GRIN2C: variants seen among roughly 807,000 people sequenced by gnomAD.
GRIN2C encodes the protein glutamate receptor ionotropic, NMDA 2C.
Under a neutral mutation model 77.7 loss-of-function variants are expected in GRIN2C, and 64 were observed. The observed-to-expected ratio is 0.82, with a 90% confidence interval of 0.67 to 1.01. The LOEUF (loss-of-function observed/expected upper bound fraction) is 1.01. Among genes scored for constraint, GRIN2C ranks in the 50% least tolerant of loss-of-function variants. GRIN2C has a pLI of 0.00. For missense variants in GRIN2C, 1,549 were observed against 1,486.0 expected, an observed-to-expected ratio of 1.04 and a Z score of -0.70; for synonymous variants, 792 against 643.4, an observed-to-expected ratio of 1.23 and a Z score of -3.49.
Position 74,846,135 on chromosome 17 carries a change from T to C in GRIN2C, c.2281A>G (p.Ile761Val), listed in dbSNP as rs144228715. Reference protein sequence around the residue: ...GKVFATTGYGIAMQKDSHWKR... With the variant: ...GKVFATTGYGVAMQKDSHWKR... ...CAGTGGGAGTCCTTCTGCATGGCGA[T>C]GCCGTAGCCAGTGGTAGCAAAGACC... Residue 761 changes from isoleucine (I) to valine (V), a missense_variant, in exon 11 of 13, where the codon ATC (isoleucine) becomes GTC (valine). This residue lies in a region of GRIN2C where 717 missense variants were observed against 858.1 expected (regional missense o/e 0.84). Transcript: ENST00000293190. The surrounding 1 kb of genome is among the most constrained non-coding windows in gnomAD (Gnocchi z 4.4). 5 of 1,614,080 alleles carry C rather than the reference T, an allele frequency of 3.1e-6. No individual in the cohort carries two copies. The African/African-American group carries it at 5.3e-5, about 17-fold the overall frequency.
chr17:74,851,904 A>T, intron 3 of GRIN2C, 109 bp downstream of exon 3: 1 of 831,616 alleles, frequency 1.2e-6, no homozygotes, highest in Non-Finnish European at 1.8e-6. Flanking sequence ...ATGTGGCCCC[A>T]GGCACGCAGC....
chr17:74,849,890 A>C lies in GRIN2C; in HGVS notation c.1535T>G (p.Ile512Ser). The change falls in exon 7 of 13, where the codon ATC (isoleucine) becomes AGC (serine). Residue 512 changes from isoleucine to serine, a missense_variant. This residue lies in a region of GRIN2C where 717 missense variants were observed against 858.1 expected (regional missense o/e 0.84). Coordinates refer to ENST00000293190, the MANE Select transcript of GRIN2C (RefSeq NM_000835.6). The surrounding 1 kb of genome is among the most constrained non-coding windows in gnomAD (Gnocchi z 4.6). ...RADMAIGSLT[I>S]NEERSEIVDF... ...TACGATCTCGGAGCGTTCCTCATTG[A>C]TGGTGAGGGAGCCGATGGCCATGTC... is the stretch of plus-strand genomic sequence containing the variant. 6 of 1,613,310 alleles carry C rather than the reference A, an allele frequency of 3.7e-6. No homozygotes were observed. The highest frequency in any genetic ancestry group is 5.1e-6 in the Non-Finnish European group (6 of 1,179,550).
At chr17:74,853,823 G>C (rs576247796) in intron 2 of GRIN2C, 1 of 152,376 alleles carries the variant, frequency 6.6e-6, no homozygotes, top group African/African-American at 2.4e-5. Flanking sequence ...TCTTCCCTGA[G>C]TGGCTAGATC....
chr17:74,852,034 G>A lies in GRIN2C; in HGVS notation c.977C>T (p.Pro326Leu). Residue 326 changes from proline to leucine, a missense_variant, in exon 3 of 13, where the codon CCT becomes CTT. Pro to Leu is a moderately conservative substitution (Grantham distance 98). Coordinates refer to ENST00000293190, the MANE Select transcript of GRIN2C (RefSeq NM_000835.6). ...CCACCTGTAGAAGGCCTCCCGGGCA[G>A]GGCTGACGGGCCCAGGGTGAACACG... ...DCRVHPGPVS[P>L]AREAFYRHLL... is the part of the protein sequence containing the mutation. The A allele has an allele frequency of 6.8e-7, 1 of 1,464,832 alleles. No individual in the cohort carries two copies. The highest frequency in any genetic ancestry group is 1.5e-5 in the South Asian group (1 of 68,074). 90.7% of individuals were successfully genotyped at this position (1,464,832 alleles called of 1,614,324 possible).
chr17:74,847,307 C>T lies in GRIN2C; in HGVS notation c.2001+1G>A. 1.5e-6 allele frequency: 2 copies of T among 1,346,552 alleles called. No individual in the cohort carries two copies. Among genetic ancestry groups the T allele is most frequent in the Non-Finnish European group, 2.1e-6 (2 of 961,140 alleles). 83.4% of individuals were successfully genotyped at this position (1,346,552 alleles called of 1,614,324 possible). On this transcript the variant is annotated splice_donor_variant, in intron 9 of 12. Coordinates refer to ENST00000293190, the MANE Select transcript of GRIN2C (RefSeq NM_000835.6). LOFTEE classifies it high-confidence loss of function. This position sits in a 1 kb window ranked among gnomAD's most constrained non-coding sequence, Gnocchi z 5.2. Reference sequence around the variant, plus strand: ...ACCCCCAGCAGCTATGGCCCCACAACCTTCTTGTCACTGAGGCCCGACACA... The same window carrying T: ...ACCCCCAGCAGCTATGGCCCCACAATCTTCTTGTCACTGAGGCCCGACACA...
Position 74,847,353 on chromosome 17 carries a change from G to C in GRIN2C, c.1956C>G (p.Ile652Met). ...ACACAGTGTCGATGTATTGCTCTTGGATCATGAAGGCGGCCAGGTTGGCCG... is the reference window on the plus strand; with the variant it reads ...ACACAGTGTCGATGTATTGCTCTTGCATCATGAAGGCGGCCAGGTTGGCCG... Reference protein sequence around the residue: ...SYTANLAAFMIQEQYIDTVSG... With the variant: ...SYTANLAAFMMQEQYIDTVSG... Residue 652 changes from isoleucine to methionine, a missense_variant, in exon 9 of 13, where the codon ATC becomes ATG. Coordinates refer to ENST00000293190, the MANE Select transcript of GRIN2C (RefSeq NM_000835.6). This position sits in a 1 kb window ranked among gnomAD's most constrained non-coding sequence, Gnocchi z 5.2. 6.2e-7 allele frequency: 1 copy of C among 1,613,542 alleles called. No homozygotes were observed. The highest frequency in any genetic ancestry group is 1.1e-5 in the South Asian group (1 of 91,034).
At chr17:74,861,260 G>C (rs943423173), upstream of GRIN2C, among the ~76,000 whole-genome samples, 6 of 152,174 alleles carry the variant, frequency 3.9e-5, no homozygotes, top group African/African-American at 1.2e-4. Context: ...AGGTTCTTGA[G>C]GGTCCGGGTC....
At position 74,859,437 on chromosome 17, in the gene GRIN2C, CTCCCT is replaced by C. The variant is rs1410459457; in HGVS notation, c.-16+302_-16+306del. ...GCTCACATCTGAGATACCGATGGCTCTCCCTCTCCCAGGCTAGGAAACTCTGTCGC... is the reference window on the plus strand; with the variant it reads ...GCTCACATCTGAGATACCGATGGCTCCTCCCAGGCTAGGAAACTCTGTCGC... On this transcript the variant is annotated intron_variant, in intron 1 of 12. Transcript: ENST00000293190. This position sits in a 1 kb window ranked among gnomAD's most constrained non-coding sequence, Gnocchi z 5.9. 2.6e-4 allele frequency among the ~76,000 whole-genome samples: 40 copies of C among 152,136 alleles called. No homozygotes were observed. The highest frequency in any genetic ancestry group is 9.2e-4 in the African/African-American group (38 of 41,434).
At position 74,847,272 on chromosome 17, in the gene GRIN2C, G is replaced by GCCCCCCCCCCC; in HGVS notation, c.2001+35_2001+36insGGGGGGGGGGG. 2 of 692,326 alleles carry GCCCCCCCCCCC rather than the reference G, an allele frequency of 2.9e-6. No individual in the cohort carries two copies. The highest frequency in any genetic ancestry group is 2.8e-5 in the South Asian group (2 of 70,328). The allele number at this position is 692,326 out of a possible 1,614,324, so 42.9% of individuals were successfully genotyped here. A position where few individuals can be genotyped will look rare whatever the true frequency, so the allele number is the denominator to read the frequency against. On this transcript the variant is annotated intron_variant, in intron 9 of 12. Coordinates refer to ENST00000293190, the MANE Select transcript of GRIN2C (RefSeq NM_000835.6). The surrounding 1 kb of genome is among the most constrained non-coding windows in gnomAD (Gnocchi z 5.2). ...CTCACGGCCTGTCCCCACCCTCAGT[G>GCCCCCCCCCCC]CCCCCCCCCACCCCCAGCAGCTATG... is the stretch of plus-strand genomic sequence containing the variant.
At chr17:74,845,862 C>A (rs1438911721) in intron 11 of GRIN2C, among the ~76,000 whole-genome samples, 5 of 151,968 alleles carry the variant, frequency 3.3e-5, no homozygotes. Context: ...TAGCCCAGTT[C>A]CTGCTCCCGC....
rs2037509318 is a variant in GRIN2C at position 74,847,796 on chromosome 17, C to T, written c.1771+56G>A. ...CTCTGAAGGACCCGTTGCCCCTGAGCCCAGCCCTCAGGGTGCCCAGGCCCA... is the reference window on the plus strand; with the variant it reads ...CTCTGAAGGACCCGTTGCCCCTGAGTCCAGCCCTCAGGGTGCCCAGGCCCA... On this transcript the variant is annotated intron_variant, in intron 8 of 12. Transcript: ENST00000293190. The surrounding 1 kb of genome is among the most constrained non-coding windows in gnomAD (Gnocchi z 5.2). 1.3e-6 allele frequency: 2 copies of T among 1,597,404 alleles called. No homozygotes were observed. The highest frequency in any genetic ancestry group is 1.7e-5 in the Admixed American group (1 of 59,454).
In GRIN2C at chr17:74,847,259, C is replaced by A. The variant is rs1404953132; in HGVS notation, c.2001+49G>T. On this transcript the variant is annotated intron_variant, in intron 9 of 12. Coordinates refer to ENST00000293190, the MANE Select transcript of GRIN2C (RefSeq NM_000835.6). This position sits in a 1 kb window ranked among gnomAD's most constrained non-coding sequence, Gnocchi z 5.2. ...CAGGGCCTGCCCACTCACGGCCTGT[C>A]CCCACCCTCAGTGCCCCCCCCCACC... 2.5e-5 allele frequency: 18 copies of A among 723,328 alleles called. No individual in the cohort carries two copies. Among genetic ancestry groups the A allele is most frequent in the East Asian group, 6.3e-5 (2 of 31,870 alleles). The allele number at this position is 723,328 out of a possible 1,614,324, so 44.8% of individuals were successfully genotyped here. A position where few individuals can be genotyped will look rare whatever the true frequency, so the allele number is the denominator to read the frequency against.
At position 74,852,288 on chromosome 17, in the gene GRIN2C, C is replaced by T; in HGVS notation, c.723G>A (p.Ala241=). ...GGCCGGGCCCCACCAGACCGGCCTG[C>T]GCCGCCTCGGCGAAGAGCACCTCGG... ...EEAEVLFAEA[A]QAGLVGPGHV... is the part of the protein sequence containing the mutation. The change falls in exon 3 of 13, where the codon GCG becomes GCA. Residue 241 remains alanine, a synonymous_variant. Transcript: ENST00000293190. The T allele has an allele frequency of 3.5e-6, 5 of 1,422,588 alleles. No homozygotes were observed. Among genetic ancestry groups the T allele is most frequent in the Non-Finnish European group, 4.6e-6 (5 of 1,095,300 alleles). 88.1% of individuals were successfully genotyped at this position (1,422,588 alleles called of 1,614,324 possible).
intron 1 of GRIN2C, among the ~76,000 whole-genome samples, chr17:74,857,455 CAGA>C (rs2037847041): frequency 3.3e-5 from 5 of 152,190 alleles, no homozygotes; most frequent in Non-Finnish European, 7.3e-5. Flanking sequence ...ACAGAAGTGA[CAGA>C]AGTGACAGAA....
chr17:74,845,261 A>ATTT (rs34846249), intron 11 of GRIN2C, among the ~76,000 whole-genome samples: 5 of 97,652 alleles, frequency 5.1e-5, no homozygotes, highest in African/African-American at 2.0e-4. Flanking sequence ...GAGAAATCAG[A>ATTT]TTTTTTTTTT....
rs745906978 is a variant in GRIN2C, at chr17:74,850,362, G to A, written c.1335C>T (p.Asp445=). The A allele has an allele frequency of 1.1e-5, 18 of 1,611,668 alleles. No individual in the cohort carries two copies. The highest frequency in any genetic ancestry group is 4.5e-5 in the East Asian group (2 of 44,886). The change falls in exon 6 of 13, where the codon GAC becomes GAT. Residue 445 remains aspartate (D), a synonymous_variant. Transcript: ENST00000293190. The surrounding 1 kb of genome is among the most constrained non-coding windows in gnomAD (Gnocchi z 5.3). ...RQSNHTFSSG[D]VAPYTKLCCK... is the part of the protein sequence containing the mutation. ...AGCAGAGCTTGGTGTAGGGGGCCAC[G>A]TCCCCGCTGCTGCAGCCATGCCGCC...
Position 74,846,042 on chromosome 17 carries a change from C to T in GRIN2C, c.2350+24G>A, listed in dbSNP as rs768626388. 16 of 1,607,012 alleles carry T rather than the reference C, an allele frequency of 1.0e-5. No individual in the cohort carries two copies. The highest frequency in any genetic ancestry group is 1.2e-5 in the Non-Finnish European group (14 of 1,174,012). Reference sequence around the variant, plus strand: ...CTTGGGCTCCACAGCCCACCCTGGGCATCCCAGCAATGGCAGTACCCACCG... The same window carrying T: ...CTTGGGCTCCACAGCCCACCCTGGGTATCCCAGCAATGGCAGTACCCACCG... On this transcript the variant is annotated intron_variant, in intron 11 of 12. Transcript: ENST00000293190. The surrounding 1 kb of genome is among the most constrained non-coding windows in gnomAD (Gnocchi z 4.4).
In GRIN2C at chr17:74,854,863, A is replaced by G; in HGVS notation, c.230T>C (p.Leu77Pro). The G allele has an allele frequency of 3.1e-6, 5 of 1,613,258 alleles. No individual in the cohort carries two copies. The highest frequency in any genetic ancestry group is 4.2e-6 in the Non-Finnish European group (5 of 1,179,360). ...CAGGAGGCCGCAGATCTGGGTGAGG[A>G]GGCTGCTGGGGTTGGTGGTGTTGAC... ...VGVNTTNPSS[L>P]LTQICGLLGA... Residue 77 changes from leucine to proline, a missense_variant, in exon 2 of 13, where the codon CTC becomes CCC. By Grantham distance (98) the Leu-to-Pro change is moderately conservative (BLOSUM62 -3). This residue lies in a region of GRIN2C where 382 missense variants were observed against 360.0 expected (regional missense o/e 1.06). Coordinates refer to ENST00000293190, the MANE Select transcript of GRIN2C (RefSeq NM_000835.6).
chr17:74,847,668 TCGC>T lies in GRIN2C; in HGVS notation c.1772-134_1772-132del. 1.2e-6 allele frequency: 1 copy of T among 868,604 alleles called. No individual in the cohort carries two copies. The highest frequency in any genetic ancestry group is 2.2e-5 in the Admixed American group (1 of 46,014). The allele number at this position is 868,604 out of a possible 1,614,324, so 53.8% of individuals were successfully genotyped here. On this transcript the variant is annotated intron_variant, in intron 8 of 12. Transcript: ENST00000293190. The surrounding 1 kb of genome is among the most constrained non-coding windows in gnomAD (Gnocchi z 5.2). ...GGGGGGACGCGTCCTGGCCATTCCCTCGCCAGGTGAAGTGAGCTCACGTGTGTG... is the reference window on the plus strand; with the variant it reads ...GGGGGGACGCGTCCTGGCCATTCCCTCAGGTGAAGTGAGCTCACGTGTGTG...
Sources: gnomAD v4.1 joint callset for allele counts (sites outside exome capture counted in the v4.1 genomes callset) on GRCh38, gnomAD v4.1.1 for gene constraint, gnomAD v4.1.1 regional missense constraint, Gnocchi (gnomAD v3.1) non-coding constraint, MANE v1.5 for transcripts, NCBI Gene and HGNC (gene_info 2026-07-23, HGNC 2026-07-21) for gene names.